ADGB: variants seen among roughly 807,000 people sequenced by gnomAD.
ADGB encodes calpain-7-like protein.
ADGB carries 172 observed loss-of-function variants against 210.5 expected under a neutral mutation model. The observed-to-expected ratio is 0.82, with a 90% CI of 0.72 to 0.93. ADGB has a LOEUF of 0.93. ADGB is among the 40% of genes least tolerant of loss of function. The pLI is 0.00. For missense variants in ADGB, 2,025 were observed against 1,964.8 expected, an observed-to-expected ratio of 1.03 and a Z score of -0.58; for synonymous variants, 658 against 662.7, an observed-to-expected ratio of 0.99 and a Z score of 0.11.
chr6:146,608,898 G>T (rs1780667551), intron 1 of ADGB, among the ~76,000 whole-genome samples: 1 of 152,174 alleles, frequency 6.6e-6, no homozygotes, highest in South Asian at 2.1e-4. Flanking sequence ...TCGGTCATGT[G>T]TTGAGTTTAG....
At chr6:146,724,377 C>A (rs1188656785) in intron 18 of ADGB, 50 bp downstream of exon 18, 3 of 1,472,750 alleles carry the variant, frequency 2.0e-6, no homozygotes, top group Non-Finnish European at 2.7e-6. Flanking sequence ...TGAAGGCTTG[C>A]AAATTGTTGG....
chr6:146,695,868 T>C (rs1776394450), intron 12 of ADGB, among the ~76,000 whole-genome samples: 1 of 152,066 alleles, frequency 6.6e-6, no homozygotes, highest in African/African-American at 2.4e-5. Flanking sequence ...TAATGCAACA[T>C]AACTAAGTGG....
intron 13 of ADGB, among the ~76,000 whole-genome samples, chr6:146,709,065 T>C (rs1776620196): frequency 2.0e-5 from 3 of 152,212 alleles, no homozygotes; most frequent in Admixed American, 2.0e-4. Context: ...GTTTAATTTA[T>C]TAAAATAATT....
In ADGB at chr6:146,717,026, A is replaced by G; in HGVS notation, c.1885A>G (p.Lys629Glu). ...ELPTTNNSVS[K>E]EIWLDFEDFC... ...TCCAACAACAAATAATAGTGTTTCT[A>G]AAGAAATATGGTTAGATTTTGAAGA... The change falls in exon 15 of 36, where the codon AAA becomes GAA. Residue 629 changes from lysine to glutamate, a missense_variant. Coordinates refer to ENST00000397944, the MANE Select transcript of ADGB (RefSeq NM_024694.4). 1.3e-6 allele frequency: 2 copies of G among 1,551,606 alleles called. No homozygotes were observed. Among genetic ancestry groups the G allele is most frequent in the Non-Finnish European group, 1.7e-6 (2 of 1,146,906 alleles).
chr6:146,662,106 G>A (rs1374412747), intron 5 of ADGB, among the ~76,000 whole-genome samples: 1 of 152,106 alleles, frequency 6.6e-6, no homozygotes, highest in African/African-American at 2.4e-5. Context: ...CTGTCTGGCT[G>A]TAGAATTCTT....
intron 20 of ADGB, among the ~76,000 whole-genome samples, chr6:146,729,593 C>T (rs548033242): frequency 6.6e-5 from 10 of 152,070 alleles, no homozygotes; most frequent in African/African-American, 1.9e-4. Flanking sequence ...CACCACCACA[C>T]CTGGCTAATT....
chr6:146,756,507 A>G (rs532371567), intron 27 of ADGB, among the ~76,000 whole-genome samples: 2 of 152,134 alleles, frequency 1.3e-5, no homozygotes, highest in Non-Finnish European at 2.9e-5. Flanking sequence ...TATGATTTAT[A>G]GAATGTAAAA....
intron 13 of ADGB, among the ~76,000 whole-genome samples, chr6:146,704,879 A>G (rs1235170643): frequency 6.6e-6 from 1 of 152,110 alleles, no homozygotes; most frequent in African/African-American, 2.4e-5. Context: ...AAATCTCATC[A>G]GAATGTTGAT....
At chr6:146,721,955 C>A (rs1032966860) in intron 17 of ADGB, among the ~76,000 whole-genome samples, 1 of 152,056 alleles carries the variant, frequency 6.6e-6, no homozygotes, top group African/African-American at 2.4e-5. Flanking sequence ...TCCTCTGATG[C>A]TTTTACCCCA....
At chr6:146,624,236 A>G (rs1583563678) in intron 1 of ADGB, among the ~76,000 whole-genome samples, 1 of 151,822 alleles carries the variant, frequency 6.6e-6, no homozygotes, top group Non-Finnish European at 1.5e-5. Flanking sequence ...TTAAGAAACA[A>G]ATTTATTTTA....
At chr6:146,803,374 C>T (rs1327889357) in intron 35 of ADGB, 2 of 1,607,916 alleles carry the variant, frequency 1.2e-6, no homozygotes, top group Non-Finnish European at 1.7e-6. Context: ...TGTAATTTTT[C>T]AGTCTGGTGG....
intron 1 of ADGB, among the ~76,000 whole-genome samples, chr6:146,620,038 G>C (rs957498773): frequency 1.3e-5 from 2 of 152,064 alleles, no homozygotes; most frequent in South Asian, 2.1e-4. Flanking sequence ...AGATTGCTTT[G>C]CTGGGTATAA....
At position 146,703,604 on chromosome 6, in the gene ADGB, G is replaced by T. The variant is rs560852991; in HGVS notation, c.1707+2534G>T. Among the ~76,000 whole-genome samples the T allele has an allele frequency of 1.1e-4, 17 of 151,884 alleles. No homozygotes were observed. The South Asian group carries it at 2.3e-3, about 20-fold the overall frequency. On this transcript the variant is annotated intron_variant, in intron 13 of 35. Transcript: ENST00000397944. ...TTTAACTTCACATAAGGTCCTCCAG[G>T]TTTATCCTAGTTATTGCAAATGATA...
In ADGB at chr6:146,742,439, TA is replaced by T. The variant is rs577439405; in HGVS notation, c.3177+1171del. On this transcript the variant is annotated intron_variant, in intron 25 of 35. Coordinates refer to ENST00000397944, the MANE Select transcript of ADGB (RefSeq NM_024694.4). The stretch of plus-strand genomic sequence containing the variant: ...AGCTTAAATTATTTTTATTTTGCAT[TA>T]AATTTGGCAAATTTAACATTTACAT... 2.0e-4 allele frequency among the ~76,000 whole-genome samples: 30 copies of T among 152,170 alleles called. No homozygotes were observed. The South Asian group carries it at 6.2e-3, about 32-fold the overall frequency.
At chr6:146,672,887 C>T (rs552950388) in intron 8 of ADGB, among the ~76,000 whole-genome samples, 3 of 152,070 alleles carry the variant, frequency 2.0e-5, no homozygotes, top group South Asian at 4.2e-4. Flanking sequence ...TGCACCACCA[C>T]GCCCAGCTAA....
intron 14 of ADGB, among the ~76,000 whole-genome samples, chr6:146,716,599 CAAAAAAA>C (rs10606792): frequency 6.0e-5 from 4 of 66,812 alleles, no homozygotes; most frequent in African/African-American, 1.9e-4. Flanking sequence ...GACTCCGTCT[CAAAAAAA>C]AAAAAAAAAA....
At chr6:146,753,235 A>C (rs1777352582) in intron 27 of ADGB, among the ~76,000 whole-genome samples, 1 of 152,078 alleles carries the variant, frequency 6.6e-6, no homozygotes, top group Non-Finnish European at 1.5e-5. Flanking sequence ...AAAAATAGAA[A>C]ATTACAAACA....
intron 1 of ADGB, among the ~76,000 whole-genome samples, chr6:146,620,808 A>G (rs969583192): frequency 6.6e-6 from 1 of 152,122 alleles, no homozygotes; most frequent in African/African-American, 2.4e-5. Context: ...TTCTGGGTCA[A>G]TTACTGGAGA....
At chr6:146,681,981 A>G (rs1408583775) in intron 9 of ADGB, among the ~76,000 whole-genome samples, 2 of 152,122 alleles carry the variant, frequency 1.3e-5, no homozygotes, top group African/African-American at 4.8e-5. Flanking sequence ...TAAAAATAGA[A>G]TTTATTTCAT....
Sources: allele counts gnomAD v4.1 joint callset (sites outside exome capture counted in the v4.1 genomes callset), GRCh38; gene constraint gnomAD v4.1.1; transcripts MANE v1.5; gene names NCBI Gene and HGNC (gene_info 2026-07-23, HGNC 2026-07-21).